Variants in ATP2B2 observed in about 807,000 individuals in gnomAD.
The protein encoded by ATP2B2 is ATPase plasma membrane Ca2+ transporting 2.
Under a neutral mutation model 120.0 loss-of-function variants are expected in ATP2B2, and 15 were observed. The ratio of observed to expected loss-of-function variants is 0.12; its 90% CI spans 0.08 to 0.19. The LOEUF is 0.19. Among genes scored for constraint, ATP2B2 ranks in the 10% least tolerant of loss-of-function variants. The pLI is 1.00. For synonymous variants in ATP2B2, 694 were observed against 700.3 expected (o/e 0.99, Z 0.14); for missense variants, 1,045 against 1,719.8 (o/e 0.61, Z 6.94).
intron 1 of ATP2B2, among the ~76,000 whole-genome samples, chr3:10,693,162 G>A (rs2071694336): frequency 6.6e-6 from 1 of 152,280 alleles, no homozygotes; most frequent in African/African-American, 2.4e-5. Flanking sequence ...TGGATCTAAG[G>A]CTTGACAATC....
At chr3:10,392,390 A>G (rs1388304465) in intron 5 of ATP2B2, among the ~76,000 whole-genome samples, 2 of 152,162 alleles carry the variant, frequency 1.3e-5, no homozygotes, top group Non-Finnish European at 2.9e-5. Context: ...CCCTCCTGCC[A>G]GGGGAAGACT....
chr3:10,616,645 A>T (rs2069395124), intron 2 of ATP2B2, among the ~76,000 whole-genome samples: 1 of 151,966 alleles, frequency 6.6e-6, no homozygotes, highest in Non-Finnish European at 1.5e-5. Context: ...AAAAGTGCCA[A>T]CATAACCATT....
intron 1 of ATP2B2, among the ~76,000 whole-genome samples, chr3:10,695,035 G>T (rs904318290): frequency 4.6e-5 from 7 of 152,126 alleles, no homozygotes; most frequent in African/African-American, 1.7e-4. Context: ...CCTGTGACTT[G>T]CTTTGGCCAA....
At chr3:10,597,319 G>A (rs2068795989) in intron 2 of ATP2B2, among the ~76,000 whole-genome samples, 1 of 114,010 alleles carries the variant, frequency 8.8e-6, no homozygotes, top group Admixed American at 8.8e-5. Flanking sequence ...AGACACATAG[G>A]CACACACACA....
intron 1 of ATP2B2, among the ~76,000 whole-genome samples, chr3:10,492,642 C>T (rs60269595): frequency 7.8e-4 from 119 of 152,242 alleles, no homozygotes; most frequent in Middle Eastern, 3.4e-3. Flanking sequence ...GCCTCATTTG[C>T]GACTGCACCC....
intron 12 of ATP2B2, among the ~76,000 whole-genome samples, chr3:10,366,701 G>A (rs759359687): frequency 2.0e-5 from 3 of 152,162 alleles, no homozygotes; most frequent in Non-Finnish European, 4.4e-5. Flanking sequence ...CCAAGGAAGC[G>A]TGGTGCCTCC....
chr3:10,360,259 G>A (rs1182914680), intron 12 of ATP2B2, 136 bp from the exon 13 acceptor site: 2 of 1,422,764 alleles, frequency 1.4e-6, no homozygotes, highest in East Asian at 2.5e-5. Flanking sequence ...GGAGCCCTTG[G>A]CCCATCCCCT....
chr3:10,408,938 G>A (rs1442566377), intron 3 of ATP2B2, among the ~76,000 whole-genome samples: 1 of 152,170 alleles, frequency 6.6e-6, no homozygotes, highest in Non-Finnish European at 1.5e-5. Flanking sequence ...CTGAGTCATG[G>A]TTTTGCTACT....
chr3:10,486,972 C>A (rs1262105572), intron 1 of ATP2B2, among the ~76,000 whole-genome samples: 1 of 152,144 alleles, frequency 6.6e-6, no homozygotes, highest in African/African-American at 2.4e-5. Context: ...AAGTGATCTG[C>A]CTGCCTTGGC....
intron 2 of ATP2B2, among the ~76,000 whole-genome samples, chr3:10,419,290 GA>G (rs1399498083): frequency 1.3e-5 from 2 of 152,210 alleles, no homozygotes; most frequent in Non-Finnish European, 2.9e-5. Context: ...GCCTCTGTGG[GA>G]AAAAAGCCCT....
intron 2 of ATP2B2, among the ~76,000 whole-genome samples, chr3:10,567,455 G>C (rs548130205): frequency 6.6e-6 from 1 of 152,162 alleles, no homozygotes; most frequent in Non-Finnish European, 1.5e-5. Flanking sequence ...TGCCATATAG[G>C]GGGGTGTGGG....
chr3:10,501,123 C>T lies in ATP2B2; in HGVS notation c.-320+4342G>A, dbSNP rs182755718. Among the ~76,000 whole-genome samples the T allele has an allele frequency of 4.6e-5, 7 of 152,266 alleles. No homozygotes were observed. The East Asian group carries it at 5.8e-4, about 13-fold the overall frequency. ...AGGAACCTGAGCTGTGGCCCCTGCT[C>T]GGGCCTGGTCACTTGCCCTCCTGGT... On this transcript the variant is annotated intron_variant, in intron 1 of 22. Transcript: ENST00000360273.
intron 14 of ATP2B2, among the ~76,000 whole-genome samples, chr3:10,356,276 C>T (rs906826418): frequency 6.6e-6 from 1 of 151,870 alleles, no homozygotes; most frequent in African/African-American, 2.4e-5. Context: ...TCACTGTCCC[C>T]CTTTGGGCTT....
chr3:10,398,742 G>C (rs1226552255), intron 5 of ATP2B2, among the ~76,000 whole-genome samples: 1 of 152,200 alleles, frequency 6.6e-6, no homozygotes. Flanking sequence ...TCTTGACAGA[G>C]AGTTGGCACA....
chr3:10,624,328 C>T (rs73811964), intron 1 of ATP2B2, among the ~76,000 whole-genome samples: 2,886 of 152,296 alleles, frequency 0.019, 92 homozygotes, highest in African/African-American at 0.066. Context: ...AAATGTCTTT[C>T]CTTTATTTCT....
intron 3 of ATP2B2, among the ~76,000 whole-genome samples, chr3:10,531,600 T>C (rs974349034): frequency 2.0e-5 from 3 of 152,202 alleles, no homozygotes; most frequent in African/African-American, 7.2e-5. Context: ...GTGATTTTTG[T>C]GACTATGAAT....
chr3:10,502,106 T>C (rs1301128304), intron 1 of ATP2B2, among the ~76,000 whole-genome samples: 1 of 152,190 alleles, frequency 6.6e-6, no homozygotes, highest in South Asian at 2.1e-4. Context: ...GCTCTGCACA[T>C]AGCATAAGCC....
chr3:10,545,487 C>T (rs1023151856), intron 2 of ATP2B2, among the ~76,000 whole-genome samples: 1 of 151,090 alleles, frequency 6.6e-6, no homozygotes, highest in Non-Finnish European at 1.5e-5. Flanking sequence ...CAAGATCGTG[C>T]CTTTGCACTC....
At chr3:10,571,514 T>C (rs1364893642) in intron 2 of ATP2B2, among the ~76,000 whole-genome samples, 1 of 152,158 alleles carries the variant, frequency 6.6e-6, no homozygotes, top group Non-Finnish European at 1.5e-5. Flanking sequence ...AGAGTCCACG[T>C]GAGCAAGGCA....
Sources: allele counts gnomAD v4.1 joint callset (sites outside exome capture counted in the v4.1 genomes callset), GRCh38; gene constraint gnomAD v4.1.1; transcripts MANE v1.5; gene names NCBI Gene and HGNC (gene_info 2026-07-23, HGNC 2026-07-21).